The following FRMD5 variants were observed in gnomAD, a reference collection of about 807,000 sequenced individuals.
The protein encoded by FRMD5 is FERM domain containing 5, also known as FERM domain-containing protein 5.
FRMD5 carries 20 observed loss-of-function variants against 69.0 expected under a neutral mutation model. The ratio of observed to expected loss-of-function variants is 0.29; its 90% CI spans 0.20 to 0.42. The LOEUF is 0.42. Ranked by LOEUF, FRMD5 falls within the 10% of genes least tolerant of loss-of-function variation. FRMD5 has a pLI of 1.00. For synonymous variants in FRMD5, 271 were observed against 260.1 expected, an observed-to-expected ratio of 1.04 and a Z score of -0.40; for missense variants, 595 against 708.6, an observed-to-expected ratio of 0.84 and a Z score of 1.82.
intron 1 of FRMD5, among the ~76,000 whole-genome samples, chr15:44,148,464 G>C (rs908858548): frequency 1.3e-5 from 2 of 152,088 alleles, no homozygotes; most frequent in African/African-American, 4.8e-5. Context: ...GTTGAGACGG[G>C]GTTTCACCGT....
chr15:44,076,124 C>G (rs1330378102), intron 1 of FRMD5, among the ~76,000 whole-genome samples: 1 of 152,092 alleles, frequency 6.6e-6, no homozygotes, highest in East Asian at 1.9e-4. Context: ...CAGGAAACAA[C>G]AGGTGCTGGA....
chr15:43,958,736 C>A (rs922515111), intron 1 of FRMD5, among the ~76,000 whole-genome samples: 2 of 152,280 alleles, frequency 1.3e-5, no homozygotes, highest in African/African-American at 4.8e-5. Context: ...GCGTGAGCCA[C>A]CCTGCCCAGC....
At chr15:44,118,402 C>T (rs1284355652) in intron 1 of FRMD5, among the ~76,000 whole-genome samples, 1 of 152,154 alleles carries the variant, frequency 6.6e-6, no homozygotes, top group African/African-American at 2.4e-5. Flanking sequence ...AAATCCAGAA[C>T]ATATTTGTGG....
At chr15:44,197,624 G>A (rs1297739284), upstream of FRMD5, among the ~76,000 whole-genome samples, 2 of 143,222 alleles carry the variant, frequency 1.4e-5, no homozygotes, top group African/African-American at 5.2e-5. Flanking sequence ...GAAGGTTGCA[G>A]TGAGCTGAGA....
chr15:43,919,706 G>T, intron 3 of FRMD5, 61 bp downstream of exon 3: 1 of 1,527,472 alleles, frequency 6.5e-7, no homozygotes, highest in Non-Finnish European at 9.1e-7. Context: ...GAGATAAGTG[G>T]GAGGTTTCGT....
intron 1 of FRMD5, among the ~76,000 whole-genome samples, chr15:44,013,653 A>C (rs1169196206): frequency 6.6e-6 from 1 of 152,228 alleles, no homozygotes. Flanking sequence ...GGTTGTAAAG[A>C]ACAATCTCTC....
intron 1 of FRMD5, among the ~76,000 whole-genome samples, chr15:43,955,746 G>A (rs2090104573): frequency 6.6e-6 from 1 of 151,908 alleles, no homozygotes; most frequent in African/African-American, 2.4e-5. Context: ...TCTTCTATAT[G>A]TTCCATGTTT....
At chr15:43,973,618 T>G (rs1054058344) in intron 1 of FRMD5, among the ~76,000 whole-genome samples, 10 of 152,092 alleles carry the variant, frequency 6.6e-5, no homozygotes, top group Admixed American at 1.3e-4. Flanking sequence ...TCCACCTGCC[T>G]TGGCCTCCCA....
At chr15:44,078,062 G>A (rs543869326) in intron 1 of FRMD5, among the ~76,000 whole-genome samples, 6 of 152,058 alleles carry the variant, frequency 3.9e-5, no homozygotes, top group Non-Finnish European at 8.8e-5. Flanking sequence ...TAAGATTATT[G>A]AGAATGGGTG....
At chr15:43,995,196 A>T (rs1019995816) in intron 1 of FRMD5, among the ~76,000 whole-genome samples, 1 of 152,236 alleles carries the variant, frequency 6.6e-6, no homozygotes, top group Non-Finnish European at 1.5e-5. Context: ...CTAGATTACT[A>T]GTAGTACCTA....
chr15:44,112,467 T>C (rs1356731403), intron 1 of FRMD5, among the ~76,000 whole-genome samples: 1 of 149,984 alleles, frequency 6.7e-6, no homozygotes, highest in Non-Finnish European at 1.5e-5. Context: ...GCACCTTCAC[T>C]GATTTTTTTT....
At chr15:43,976,631 C>T (rs1363846670) in intron 1 of FRMD5, among the ~76,000 whole-genome samples, 4 of 152,140 alleles carry the variant, frequency 2.6e-5, no homozygotes. Context: ...GGCTGAGACC[C>T]TGATTGCTTA....
chr15:43,879,485 A>G, intron 13 of FRMD5: 1 of 399,064 alleles, frequency 2.5e-6, no homozygotes, highest in Non-Finnish European at 4.4e-6. Context: ...GCAAAACAGG[A>G]GAGCCTTTTT....
intron 1 of FRMD5, among the ~76,000 whole-genome samples, chr15:44,150,777 C>T (rs902445638): frequency 1.3e-5 from 2 of 151,980 alleles, no homozygotes; most frequent in African/African-American, 4.8e-5. Context: ...GGCAACAGAG[C>T]AGACCCTGTC....
chr15:44,041,833 G>C (rs189309096), intron 1 of FRMD5, among the ~76,000 whole-genome samples: 3 of 152,264 alleles, frequency 2.0e-5, no homozygotes, highest in East Asian at 1.9e-4. Flanking sequence ...AAGCAGGAAA[G>C]ATCTAAAATC....
chr15:43,996,026 C>T (rs1566887094), intron 1 of FRMD5, among the ~76,000 whole-genome samples: 1 of 152,118 alleles, frequency 6.6e-6, no homozygotes, highest in Non-Finnish European at 1.5e-5. Context: ...GCCTGGAGCC[C>T]GTGTCTGAAG....
chr15:43,997,980 C>T (rs1048668347), intron 1 of FRMD5, among the ~76,000 whole-genome samples: 1 of 152,070 alleles, frequency 6.6e-6, no homozygotes, highest in African/African-American at 2.4e-5. Context: ...TTAAGGTATA[C>T]AACATGATGT....
intron 1 of FRMD5, among the ~76,000 whole-genome samples, chr15:43,982,434 G>GT (rs947173323): frequency 1.0e-3 from 158 of 152,060 alleles, no homozygotes; most frequent in African/African-American, 3.5e-3. Flanking sequence ...GGCAGCTGGT[G>GT]TTTTTTTTCA....
intron 1 of FRMD5, among the ~76,000 whole-genome samples, chr15:44,185,844 G>C (rs1017958735): frequency 2.0e-5 from 3 of 151,888 alleles, no homozygotes; most frequent in South Asian, 2.1e-4. Context: ...GGGCAGGCTA[G>C]ATGCTTTCTC....
Sources: allele counts gnomAD v4.1 joint callset (sites outside exome capture counted in the v4.1 genomes callset), GRCh38; gene constraint gnomAD v4.1.1; transcripts MANE v1.5; gene names NCBI Gene and HGNC (gene_info 2026-07-23, HGNC 2026-07-21).